The following MYOM1 variants were observed in gnomAD, a reference collection of about 807,000 sequenced individuals.
MYOM1 encodes the protein myomesin 1.
Under a neutral mutation model 205.3 loss-of-function variants are expected in MYOM1, and 164 were observed. The observed-to-expected ratio is 0.80, with a 90% confidence interval of 0.70 to 0.91. MYOM1 has a LOEUF of 0.91. MYOM1 is among the 40% of genes least tolerant of loss of function. The pLI is 0.00. For missense variants in MYOM1, 2,011 were observed against 2,127.3 expected (o/e 0.95, Z 1.08); for synonymous variants, 772 against 789.4 (o/e 0.98, Z 0.37).
Position 3,193,361 on chromosome 18 carries a change from T to TACATATATATACACACACAC in MYOM1, c.431+456_431+457insGTGTGTGTGTATATATATGT, listed in dbSNP as rs1598758731. Among the ~76,000 whole-genome samples the TACATATATATACACACACAC allele has an allele frequency of 2.9e-5, 4 of 135,882 alleles. No individual in the cohort carries two copies. The South Asian group carries it at 6.8e-4, about 23-fold the overall frequency. 89.1% of individuals were successfully genotyped at this position (135,882 alleles called of 152,430 possible). A position where few individuals can be genotyped will look rare whatever the true frequency, so the allele number is the denominator to read the frequency against. ...ATGTACATATACATATATATATATA[T>TACATATATATACACACACAC]ACACACACACACACACACACAATAA... On this transcript the variant is annotated intron_variant, in intron 3 of 37. Transcript: ENST00000356443.
At chr18:3,228,719 C>G in the MYOM1 span, among the ~76,000 whole-genome samples, 1 of 152,142 alleles carries the variant, frequency 6.6e-6, no homozygotes, top group Non-Finnish European at 1.5e-5. This position sits in a 1 kb window ranked among gnomAD's most constrained non-coding sequence, Gnocchi z 4.5. Context: ...TAAAACACTT[C>G]CATCACCCAG....
chr18:3,222,977 G>A (rs547119584), upstream of MYOM1, among the ~76,000 whole-genome samples: 29 of 152,210 alleles, frequency 1.9e-4, no homozygotes, highest in African/African-American at 6.7e-4. Context: ...GACCTCCTCA[G>A]CCTCAAGCAA....
intron 2 of MYOM1, among the ~76,000 whole-genome samples, chr18:3,205,522 T>C (rs2081114808): frequency 6.6e-6 from 1 of 152,150 alleles, no homozygotes; most frequent in South Asian, 2.1e-4. Flanking sequence ...CAAAACTCTA[T>C]TACACACACA....
intron 20 of MYOM1, among the ~76,000 whole-genome samples, chr18:3,117,663 T>A (rs1212234329): frequency 6.6e-6 from 1 of 151,252 alleles, no homozygotes; most frequent in Non-Finnish European, 1.5e-5. Context: ...CCTTTCCTTT[T>A]TTTTTTTTTA....
At chr18:3,084,944 A>G in intron 31 of MYOM1, 101 bp downstream of exon 31, 1 of 941,750 alleles carries the variant, frequency 1.1e-6, no homozygotes, top group South Asian at 1.8e-5. Context: ...GTGGACAAAA[A>G]AAATCAGCAT....
chr18:3,141,905 G>A (rs1344161340), intron 14 of MYOM1, 34 bp downstream of exon 14: 1 of 1,611,934 alleles, frequency 6.2e-7, no homozygotes, highest in East Asian at 2.2e-5. Context: ...TCCTTAGGAG[G>A]TAGTATGAGG....
intron 13 of MYOM1, among the ~76,000 whole-genome samples, chr18:3,145,832 A>C (rs539269521): frequency 9.2e-5 from 14 of 152,116 alleles, no homozygotes; most frequent in Non-Finnish European, 1.8e-4. Flanking sequence ...AAATCAATGA[A>C]ACCAAAAGCT....
At chr18:3,214,327 T>C (rs2081228028) in intron 2 of MYOM1, among the ~76,000 whole-genome samples, 1 of 152,188 alleles carries the variant, frequency 6.6e-6, no homozygotes, top group Non-Finnish European at 1.5e-5. Context: ...GCCCTGCTGC[T>C]GCTAAAGTAA....
In MYOM1 at chr18:3,135,036, C is replaced by T. The variant is rs2079935825; in HGVS notation, c.2210-212G>A. ...GGATCTCGGCTCACTGCAGCCCCCA[C>T]CTCCTGGGTTCAGGCAATTTTCCCA... is the stretch of plus-strand genomic sequence containing the variant. On this transcript the variant is annotated intron_variant, in intron 15 of 37. Coordinates refer to ENST00000356443, the MANE Select transcript of MYOM1 (RefSeq NM_003803.4). The surrounding 1 kb of genome is among the most constrained non-coding windows in gnomAD (Gnocchi z 4.1). The T allele has an allele frequency of 1.1e-5, 5 of 476,084 alleles. No homozygotes were observed. Among genetic ancestry groups the T allele is most frequent in the South Asian group, 2.4e-5 (1 of 42,008 alleles). 29.5% of individuals were successfully genotyped at this position (476,084 alleles called of 1,614,324 possible).
chr18:3,071,448 T>A (rs760015075), intron 37 of MYOM1, among the ~76,000 whole-genome samples: 2 of 152,074 alleles, frequency 1.3e-5, no homozygotes, highest in African/African-American at 2.4e-5. Flanking sequence ...AACCTCCACC[T>A]CCCAGGTTCA....
chr18:3,074,955 G>A lies in MYOM1; in HGVS notation c.4708+499C>T, dbSNP rs188500614. Among the ~76,000 whole-genome samples the A allele has an allele frequency of 1.8e-3, 269 of 152,106 alleles. 1 individual carries two copies. The highest frequency in any genetic ancestry group is 5.7e-3 in the African/African-American group (237 of 41,512). On this transcript the variant is annotated intron_variant, in intron 36 of 37. Coordinates refer to ENST00000356443, the MANE Select transcript of MYOM1 (RefSeq NM_003803.4). The stretch of plus-strand genomic sequence containing the variant: ...ATTACAGGCACCCGCCACTACACCC[G>A]GCTAATTTTTGTATTTTTTAGTAGA...
intron 16 of MYOM1, among the ~76,000 whole-genome samples, chr18:3,132,039 AT>A (rs1475698699): frequency 1.4e-5 from 2 of 140,238 alleles, no homozygotes; most frequent in African/African-American, 2.6e-5. Context: ...TATTATATAT[AT>A]GTATATATAA....
At chr18:3,149,119 G>T (rs779877746) in intron 13 of MYOM1, 26 bp downstream of exon 13, 1 of 1,608,296 alleles carries the variant, frequency 6.2e-7, no homozygotes, top group Non-Finnish European at 8.5e-7. Context: ...ATCAGCAATA[G>T]TATCTGGGGC....
At chr18:3,180,578 C>G (rs1345559289) in intron 5 of MYOM1, among the ~76,000 whole-genome samples, 1 of 152,154 alleles carries the variant, frequency 6.6e-6, no homozygotes, top group Non-Finnish European at 1.5e-5. Flanking sequence ...AAATTCCAAG[C>G]TGAGTAGTCA....
chr18:3,187,603 T>C lies in MYOM1; in HGVS notation c.806A>G (p.Asn269Ser), dbSNP rs1304345327. ...EETETYHAKLNEDHLLHAPEF... is the reference protein window; with the variant it reads ...EETETYHAKLSEDHLLHAPEF... ...AGGAGCATGGAGAAGATGGTCTTCA[T>C]TCAGCTTGGCATGATATGTCTCGGT... The change falls in exon 5 of 38, where the codon AAT becomes AGT. Residue 269 changes from asparagine to serine, a missense_variant. Physicochemically the swap from Asn to Ser is conservative, Grantham distance 46. Transcript: ENST00000356443. The C allele has an allele frequency of 8.7e-6, 14 of 1,612,794 alleles. No individual in the cohort carries two copies. Among genetic ancestry groups the C allele is most frequent in the Middle Eastern group, 1.7e-4 (1 of 6,052 alleles).
At position 3,135,860 on chromosome 18, in the gene MYOM1, T is replaced by A. The variant is rs2079951522; in HGVS notation, c.2026-130A>T. ...AATGCAAGCTGGACTGGAGGAGAGA[T>A]GAGGAGGAAATAGGGGATGAGGCAT... On this transcript the variant is annotated intron_variant, in intron 14 of 37. Transcript: ENST00000356443. This position sits in a 1 kb window ranked among gnomAD's most constrained non-coding sequence, Gnocchi z 4.1. The A allele has an allele frequency of 3.0e-6, 3 of 1,000,076 alleles. No individual in the cohort carries two copies. In the East Asian group the frequency reaches 7.8e-5, roughly 26 times the overall value. 62.0% of individuals were successfully genotyped at this position (1,000,076 alleles called of 1,614,324 possible). A position where few individuals can be genotyped will look rare whatever the true frequency, so the allele number is the denominator to read the frequency against.
chr18:3,107,822 A>G (rs998401709), intron 22 of MYOM1, among the ~76,000 whole-genome samples: 1 of 152,212 alleles, frequency 6.6e-6, no homozygotes, highest in Non-Finnish European at 1.5e-5. Context: ...AGGTTAGTTT[A>G]TAGTTTAACT....
At chr18:3,223,416 T>C (rs1391958546), upstream of MYOM1, among the ~76,000 whole-genome samples, 7 of 152,232 alleles carry the variant, frequency 4.6e-5, no homozygotes, top group African/African-American at 9.6e-5. Flanking sequence ...TTGAAAGCCA[T>C]AAATTTGCTG....
chr18:3,165,485 G>A (rs966797082), intron 9 of MYOM1, among the ~76,000 whole-genome samples: 1 of 151,858 alleles, frequency 6.6e-6, no homozygotes, highest in African/African-American at 2.4e-5. Context: ...ATATGAAAAT[G>A]TTCTTTTCCA....
Sources: gnomAD v4.1 joint callset for allele counts (sites outside exome capture counted in the v4.1 genomes callset) on GRCh38, gnomAD v4.1.1 for gene constraint, Gnocchi (gnomAD v3.1) non-coding constraint, MANE v1.5 for transcripts, NCBI Gene and HGNC (gene_info 2026-07-23, HGNC 2026-07-21) for gene names.